ZUP1: variants seen among roughly 807,000 people sequenced by gnomAD.
The protein encoded by ZUP1 is zinc finger containing ubiquitin peptidase 1, also known as zinc finger-containing ubiquitin peptidase 1.
Under a neutral mutation model 68.1 loss-of-function variants are expected in ZUP1, and 55 were observed. The observed-to-expected ratio is 0.81, with a 90% CI of 0.65 to 1.01. ZUP1 has a LOEUF of 1.01. Ranked by LOEUF, ZUP1 falls within the 50% of genes least tolerant of loss-of-function variation. ZUP1 has a pLI of 0.00. For missense variants in ZUP1, 684 were observed against 674.9 expected, an observed-to-expected ratio of 1.01 and a Z score of -0.15; for synonymous variants, 223 against 221.5, an observed-to-expected ratio of 1.01 and a Z score of -0.06.
At chr6:116,658,767 A>T in intron 4 of ZUP1, 36 bp downstream of exon 4, 1 of 1,514,642 alleles carries the variant, frequency 6.6e-7, no homozygotes, top group African/African-American at 1.4e-5. Flanking sequence ...TAACTTTACC[A>T]AATCAAAATA....
intron 9 of ZUP1, among the ~76,000 whole-genome samples, chr6:116,643,379 A>G (rs1293326946): frequency 6.6e-6 from 1 of 152,204 alleles, no homozygotes; most frequent in Non-Finnish European, 1.5e-5. Context: ...CGCATCGCCA[A>G]GTCAATCCTA....
intron 5 of ZUP1, among the ~76,000 whole-genome samples, chr6:116,652,947 C>A (rs1276699976): frequency 1.3e-5 from 2 of 152,074 alleles, no homozygotes; most frequent in African/African-American, 4.8e-5. Context: ...TAACTGAACA[C>A]ATTAAACATA....
chr6:116,640,630 G>A (rs1776066883), intron 9 of ZUP1, among the ~76,000 whole-genome samples: 1 of 151,834 alleles, frequency 6.6e-6, no homozygotes, highest in African/African-American at 2.4e-5. Context: ...TTACAGACAA[G>A]CAAATGCTGA....
chr6:116,668,263 C>T (rs1346059590), intron 1 of ZUP1, among the ~76,000 whole-genome samples: 1 of 152,172 alleles, frequency 6.6e-6, no homozygotes, highest in African/African-American at 2.4e-5. Flanking sequence ...ATGTCACACC[C>T]GGAGTTTCTT....
At chr6:116,658,071 C>T (rs1047487167) in intron 4 of ZUP1, among the ~76,000 whole-genome samples, 2 of 151,920 alleles carry the variant, frequency 1.3e-5, no homozygotes, top group East Asian at 1.9e-4. Flanking sequence ...CCAGCCTGGG[C>T]GACAAGAGTG....
At chr6:116,656,601 TA>T in intron 5 of ZUP1, 82 bp downstream of exon 5, 1 of 1,150,426 alleles carries the variant, frequency 8.7e-7, no homozygotes, top group Non-Finnish European at 1.2e-6. Flanking sequence ...TTATGAAAAT[TA>T]AGCAAAATTA....
chr6:116,661,332 A>G (rs1364822004), intron 2 of ZUP1, among the ~76,000 whole-genome samples: 1 of 150,384 alleles, frequency 6.6e-6, no homozygotes, highest in East Asian at 1.9e-4. Context: ...CATAGCACAA[A>G]CCTCTCATAC....
Position 116,667,226 on chromosome 6 carries a change from T to C in ZUP1, c.-15-19A>G, listed in dbSNP as rs763318648. ...CAAGTAGCTAGAAAAGAACATAACA[T>C]TAGGTTTCAAAGATTTGAAGAAAAA... is the stretch of plus-strand genomic sequence containing the variant. On this transcript the variant is annotated intron_variant, in intron 1 of 9. Coordinates refer to ENST00000368576, the MANE Select transcript of ZUP1 (RefSeq NM_145062.3). 7.0e-7 allele frequency: 1 copy of C among 1,433,460 alleles called. No individual in the cohort carries two copies. Among genetic ancestry groups the C allele is most frequent in the South Asian group, 1.6e-5 (1 of 63,188 alleles). The allele number at this position is 1,433,460 out of a possible 1,614,324, so 88.8% of individuals were successfully genotyped here.
chr6:116,647,350 T>A (rs6568959), intron 8 of ZUP1, 109 bp downstream of exon 8: 2 of 992,434 alleles, frequency 2.0e-6, no homozygotes, highest in Non-Finnish European at 2.8e-6. Flanking sequence ...CAGAGTGAGA[T>A]TCTGTCTAAA....
intron 2 of ZUP1, among the ~76,000 whole-genome samples, chr6:116,666,097 C>G (rs1460917838): frequency 3.3e-5 from 5 of 152,030 alleles, no homozygotes; most frequent in African/African-American, 1.2e-4. Context: ...AGAAAACAAG[C>G]AAGGATATAA....
Position 116,646,945 on chromosome 6 carries a change from C to A in ZUP1, c.1468+514G>T, listed in dbSNP as rs77643869. Among the ~76,000 whole-genome samples, 600 of 152,060 alleles carry A rather than the reference C, an allele frequency of 3.9e-3. 3 individuals are homozygous for A. Among genetic ancestry groups the A allele is most frequent in the African/African-American group, 0.014 (581 of 41,466 alleles). ...CTCAAGTGACATGTGGGTAAAGACC[C>A]AAGAAGGTAAGGGATGAACAATGAA... On this transcript the variant is annotated intron_variant, in intron 8 of 9. Transcript: ENST00000368576.
In ZUP1 at chr6:116,645,877, A is replaced by G. The variant is rs758253465; in HGVS notation, c.1526T>C (p.Leu509Pro). The change falls in exon 9 of 10, where the codon CTA (leucine) becomes CCA (proline). Residue 509 changes from leucine (L) to proline (P), a missense_variant. Physicochemically the swap from Leu to Pro is moderately conservative, Grantham distance 98. Transcript: ENST00000368576. ...EEKKNRTLCL[L>P]ILDPGCPSRE... ...AGAAGGACATCCAGGATCAAGTATT[A>G]GTAAGCATAATGTTCGGTTTTTTTT... is the stretch of plus-strand genomic sequence containing the variant. The G allele has an allele frequency of 2.4e-5, 39 of 1,613,786 alleles. No homozygotes were observed. In the South Asian group the frequency reaches 4.0e-4, roughly 16 times the overall value.
At position 116,666,668 on chromosome 6, in the gene ZUP1, T is replaced by C. The variant is rs1166052922; in HGVS notation, c.525A>G (p.Thr175=). The change falls in exon 2 of 10, where the codon ACA becomes ACG. Residue 175 remains threonine (T), a synonymous_variant. Coordinates refer to ENST00000368576, the MANE Select transcript of ZUP1 (RefSeq NM_145062.3). ...GAATGTCTAAAAGATTGGCATGCTTTGTTTTCACATGAGTTTCCATATCTT... is the reference window on the plus strand; with the variant it reads ...GAATGTCTAAAAGATTGGCATGCTTCGTTTTCACATGAGTTTCCATATCTT... ...HSEDMETHVK[T]KHANLLDIPL... is the part of the protein sequence containing the mutation. The C allele has an allele frequency of 2.5e-6, 4 of 1,594,202 alleles. No individual in the cohort carries two copies. The East Asian group carries it at 6.7e-5, about 27-fold the overall frequency.
chr6:116,665,163 T>C (rs1160091132), intron 2 of ZUP1, among the ~76,000 whole-genome samples: 3 of 151,918 alleles, frequency 2.0e-5, no homozygotes, highest in African/African-American at 7.3e-5. Flanking sequence ...AGTTGAAAAA[T>C]GCATGTAACT....
chr6:116,640,502 C>T (rs1776062659), intron 9 of ZUP1, among the ~76,000 whole-genome samples: 1 of 151,824 alleles, frequency 6.6e-6, no homozygotes. Flanking sequence ...AGCAGAAACT[C>T]TACAAGCCAG....
At chr6:116,644,594 A>G (rs1776227802) in intron 9 of ZUP1, among the ~76,000 whole-genome samples, 1 of 151,782 alleles carries the variant, frequency 6.6e-6, no homozygotes, top group African/African-American at 2.4e-5. Context: ...CAAGAACAAA[A>G]CACCAAACAC....
Position 116,656,864 on chromosome 6 carries a change from A to G in ZUP1, c.793-12T>C. The G allele has an allele frequency of 1.3e-6, 2 of 1,545,766 alleles. No homozygotes were observed. ...AAACCATATTGTCTCTATTGAACAT[A>G]AAAATAAATGACTTAATTTTTACAT... On this transcript the variant is annotated splice_polypyrimidine_tract_variant and intron_variant, in intron 4 of 9. Transcript: ENST00000368576.
rs766491572 is a variant in ZUP1 at position 116,658,890 on chromosome 6, T to C, written c.705A>G (p.Gln235=). ...CTTCTTGCTGAAGCTGGTGAGCCAA[T>C]TGTAGATCACCAGAACACTGGACTC... ...MDRVQCSGDL[Q]LAHQLQQEED... is the part of the protein sequence containing the mutation. The change falls in exon 4 of 10, where the codon CAA becomes CAG. Residue 235 remains glutamine (Q), a synonymous_variant. Transcript: ENST00000368576. The C allele has an allele frequency of 3.7e-6, 6 of 1,612,222 alleles. No homozygotes were observed. The highest frequency in any genetic ancestry group is 2.2e-5 in the South Asian group (2 of 90,890).
intron 9 of ZUP1, among the ~76,000 whole-genome samples, chr6:116,644,866 AAAG>A (rs1240415375): frequency 1.4e-3 from 206 of 151,702 alleles, no homozygotes; most frequent in African/African-American, 4.5e-3. Context: ...AATAATAAAA[AAAG>A]AAGAAGAAGA....
Sources: gnomAD v4.1 joint callset for allele counts (sites outside exome capture counted in the v4.1 genomes callset) on GRCh38, gnomAD v4.1.1 for gene constraint, MANE v1.5 for transcripts, NCBI Gene and HGNC (gene_info 2026-07-23, HGNC 2026-07-21) for gene names.